Variants in MOAP1 observed in about 807,000 individuals in gnomAD.
MOAP1 encodes the protein modulator of apoptosis 1.
For synonymous variants in MOAP1, 150 were observed against 161.0 expected (o/e 0.93, Z 0.52); for missense variants, 385 against 418.6 (o/e 0.92, Z 0.70).
Position 93,183,112 on chromosome 14 carries a change from G to A in MOAP1, c.*75C>T. On this transcript the variant is annotated 3_prime_UTR_variant, in exon 3 of 3. Coordinates refer to ENST00000298894, the MANE Select transcript of MOAP1 (RefSeq NM_022151.5). ...TGGCAGCACAAGGTAGGGATTGTATGTGTCACAAGAGTATATAGACTGTTC... is the reference window on the plus strand; with the variant it reads ...TGGCAGCACAAGGTAGGGATTGTATATGTCACAAGAGTATATAGACTGTTC... 1 of 1,505,206 alleles carries A rather than the reference G, an allele frequency of 6.6e-7. No individual in the cohort carries two copies. 93.2% of individuals were successfully genotyped at this position (1,505,206 alleles called of 1,614,324 possible).
rs1348570831 is a variant in MOAP1, at chr14:93,182,261, G to T, written c.*926C>A. On this transcript the variant is annotated 3_prime_UTR_variant, in exon 3 of 3. Coordinates refer to ENST00000298894, the MANE Select transcript of MOAP1 (RefSeq NM_022151.5). ...ATAATTTTATAACAATCGTGAAAAT[G>T]TTACTCAGAACTAGATGTTTTGATG... 6.6e-6 allele frequency: 1 copy of T among 152,588 alleles called. No individual in the cohort carries two copies. The highest frequency in any genetic ancestry group is 1.5e-5 in the Non-Finnish European group (1 of 68,032). 9.5% of individuals were successfully genotyped at this position (152,588 alleles called of 1,614,324 possible).
rs777717978 is a variant in MOAP1 at position 93,183,446 on chromosome 14, G to A, written c.797C>T (p.Ser266Leu). The A allele has an allele frequency of 2.5e-6, 4 of 1,614,180 alleles. No individual in the cohort carries two copies. Among genetic ancestry groups the A allele is most frequent in the Admixed American group, 1.7e-5 (1 of 60,000 alleles). ...TTYQKDEEKL[S>L]AYVLRLEPLL... The stretch of plus-strand genomic sequence containing the variant: ...AGGCTCCAGCCTTAGTACATAAGCC[G>A]ACAACTTTTCCTCATCCTTCTGGTA... The change falls in exon 3 of 3, where the codon TCG (serine) becomes TTG (leucine). Residue 266 changes from serine (S) to leucine (L), a missense_variant. Physicochemically the swap from Ser to Leu is moderately radical, Grantham distance 145. Coordinates refer to ENST00000298894, the MANE Select transcript of MOAP1 (RefSeq NM_022151.5).
At position 93,182,913 on chromosome 14, in the gene MOAP1, G is replaced by C. The variant is rs985739739; in HGVS notation, c.*274C>G. On this transcript the variant is annotated 3_prime_UTR_variant, in exon 3 of 3. Coordinates refer to ENST00000298894, the MANE Select transcript of MOAP1 (RefSeq NM_022151.5). The stretch of plus-strand genomic sequence containing the variant: ...CCACTGCACTCCAGCCTGGGTGACA[G>C]AGCGAGACTCTGTCTCAACAACAAC... 2.4e-6 allele frequency: 1 copy of C among 419,584 alleles called. No individual in the cohort carries two copies. The highest frequency in any genetic ancestry group is 4.2e-6 in the Non-Finnish European group (1 of 239,680). The allele number at this position is 419,584 out of a possible 1,614,324, so 26.0% of individuals were successfully genotyped here.
At position 93,183,768 on chromosome 14, in the gene MOAP1, A is replaced by T. The variant is rs199975345; in HGVS notation, c.475T>A (p.Cys159Ser). ...ALEALQPALQ[C>S]LKYKKLRVFS... ...ACTCTCAGCTTTTTATACTTCAAGC[A>T]TTGCAGGGCAGGCTGAAGAGCCTCT... The change falls in exon 3 of 3, where the codon TGC becomes AGC. Residue 159 changes from cysteine to serine, a missense_variant. Physicochemically the swap from Cys to Ser is moderately radical, Grantham distance 112. Coordinates refer to ENST00000298894, the MANE Select transcript of MOAP1 (RefSeq NM_022151.5). 29 of 1,614,098 alleles carry T rather than the reference A, an allele frequency of 1.8e-5. No individual in the cohort carries two copies. In the Admixed American group the frequency reaches 4.7e-4, roughly 26 times the overall value.
rs1893978399 is a variant in MOAP1, at chr14:93,183,772, C to T, written c.471G>A (p.Leu157=). 6.2e-7 allele frequency: 1 copy of T among 1,614,024 alleles called. No individual in the cohort carries two copies. Among genetic ancestry groups the T allele is most frequent in the South Asian group, 1.1e-5 (1 of 91,082 alleles). The change falls in exon 3 of 3, where the codon CTG becomes CTA. Residue 157 remains leucine, a synonymous_variant. Transcript: ENST00000298894. ...TCAGCTTTTTATACTTCAAGCATTG[C>T]AGGGCAGGCTGAAGAGCCTCTAATG... ...AQALEALQPA[L]QCLKYKKLRV... is the part of the protein sequence containing the mutation.
rs1054335497 is a variant in MOAP1 at position 93,184,094 on chromosome 14, C to T, written c.149G>A (p.Arg50Lys). Residue 50 changes from arginine to lysine, a missense_variant, in exon 3 of 3, where the codon AGA (arginine) becomes AAA (lysine). Transcript: ENST00000298894. This position sits in a 1 kb window ranked among gnomAD's most constrained non-coding sequence, Gnocchi z 4.2. Reference sequence around the variant, plus strand: ...CCTCCTGAACATCCTTCCAAGCAGTCTGTACTCCCCCAAGGGAGCTAAACC... The same window carrying T: ...CCTCCTGAACATCCTTCCAAGCAGTTTGTACTCCCCCAAGGGAGCTAAACC... ...QAGLAPLGEY[R>K]LLGRMFRRDE... The T allele has an allele frequency of 6.2e-7, 1 of 1,614,096 alleles. No individual in the cohort carries two copies. The highest frequency in any genetic ancestry group is 8.5e-7 in the Non-Finnish European group (1 of 1,180,020).
At position 93,184,257 on chromosome 14, in the gene MOAP1, T is replaced by C. The variant is rs1893989622; in HGVS notation, c.-15A>G. ...CTCAAAGTCATGGTGCCCGAAATAA[T>C]AGACTTAAGTTCTAAATATGCCAGA... On this transcript the variant is annotated 5_prime_UTR_variant, in exon 3 of 3. Coordinates refer to ENST00000298894, the MANE Select transcript of MOAP1 (RefSeq NM_022151.5). The surrounding 1 kb of genome is among the most constrained non-coding windows in gnomAD (Gnocchi z 4.2). 1.2e-5 allele frequency: 18 copies of C among 1,549,706 alleles called. No homozygotes were observed. In the East Asian group the frequency reaches 2.7e-4, roughly 23 times the overall value.
rs755858983 is a variant in MOAP1, at chr14:93,183,380, T to C, written c.863A>G (p.Asp288Gly). ...KLVQRGAIER[D>G]AVNQARLDQV... ...GTCTAGGCGGGCCTGATTCACAGCA[T>C]CTCTCTCAATTGCTCCTCTCTGTAC... The change falls in exon 3 of 3, where the codon GAT (aspartate) becomes GGT (glycine). Residue 288 changes from aspartate (D) to glycine (G), a missense_variant. Coordinates refer to ENST00000298894, the MANE Select transcript of MOAP1 (RefSeq NM_022151.5). 93 of 1,614,060 alleles carry C rather than the reference T, an allele frequency of 5.8e-5. No individual in the cohort carries two copies. Among genetic ancestry groups the C allele is most frequent in the Non-Finnish European group, 7.4e-5 (87 of 1,180,044 alleles).
Position 93,182,986 on chromosome 14 carries a change from A to T in MOAP1, c.*201T>A. 1.6e-6 allele frequency: 1 copy of T among 629,142 alleles called. No individual in the cohort carries two copies. The highest frequency in any genetic ancestry group is 2.6e-6 in the Non-Finnish European group (1 of 388,098). 39.0% of individuals were successfully genotyped at this position (629,142 alleles called of 1,614,324 possible). ...AATTTAAATAGGTAAATGGCAGTGT[A>T]GAACTACATCCTTCCTAGTCAATTA... On this transcript the variant is annotated 3_prime_UTR_variant, in exon 3 of 3. Coordinates refer to ENST00000298894, the MANE Select transcript of MOAP1 (RefSeq NM_022151.5).
Position 93,184,886 on chromosome 14 carries a change from G to C in MOAP1, c.-352C>G, listed in dbSNP as rs1894001981. Reference sequence around the variant, plus strand: ...ATTCCACCTGTTTTGGTCTCGCTCGGGGAAGCTGCGCGGCGGGCGGGGGCG... The same window carrying C: ...ATTCCACCTGTTTTGGTCTCGCTCGCGGAAGCTGCGCGGCGGGCGGGGGCG... On this transcript the variant is annotated 5_prime_UTR_variant, in exon 1 of 3. Coordinates refer to ENST00000298894, the MANE Select transcript of MOAP1 (RefSeq NM_022151.5). This position sits in a 1 kb window ranked among gnomAD's most constrained non-coding sequence, Gnocchi z 4.2. 1 of 152,226 alleles carries C rather than the reference G, an allele frequency of 6.6e-6. No individual in the cohort carries two copies. Among genetic ancestry groups the C allele is most frequent in the African/African-American group, 2.4e-5 (1 of 41,410 alleles). 9.4% of individuals were successfully genotyped at this position (152,226 alleles called of 1,614,324 possible).
Position 93,184,165 on chromosome 14 carries a change from G to T in MOAP1, c.78C>A (p.Ile26=), listed in dbSNP as rs781759789. The change falls in exon 3 of 3, where the codon ATC becomes ATA. Residue 26 remains isoleucine, a synonymous_variant. Transcript: ENST00000298894. This position sits in a 1 kb window ranked among gnomAD's most constrained non-coding sequence, Gnocchi z 4.2. The part of the protein sequence containing the change: ...NPRKALLIAG[I]SQSCSVAEIE... Reference sequence around the variant, plus strand: ...TTTCTGCCACACTGCAGCTCTGGGAGATGCCGGCAATCAATAGCGCTTTCC... The same window carrying T: ...TTTCTGCCACACTGCAGCTCTGGGATATGCCGGCAATCAATAGCGCTTTCC... 6 of 1,613,924 alleles carry T rather than the reference G, an allele frequency of 3.7e-6. No homozygotes were observed. The highest frequency in any genetic ancestry group is 4.2e-6 in the Non-Finnish European group (5 of 1,179,988).
chr14:93,183,226 C>A lies in MOAP1; in HGVS notation c.1017G>T (p.Glu339Asp). ...CTTCCAATATTGCCTGGAGAAGGGC[C>A]TCCTCCTCCTCAGCTGCCTCATAAT... ...IKDYEAAEEE[E>D]ALLQAILEGN... is the part of the protein sequence containing the mutation. Residue 339 changes from glutamate to aspartate, a missense_variant, in exon 3 of 3, where the codon GAG becomes GAT. Physicochemically the swap from Glu to Asp is conservative, Grantham distance 45. Transcript: ENST00000298894. 2 of 1,608,020 alleles carry A rather than the reference C, an allele frequency of 1.2e-6. No individual in the cohort carries two copies. Among genetic ancestry groups the A allele is most frequent in the African/African-American group, 1.3e-5 (1 of 74,672 alleles).
Position 93,183,038 on chromosome 14 carries a change from C to CTTTAAATAGGCAT in MOAP1, c.*148_*149insATGCCTATTTAAA. The CTTTAAATAGGCAT allele has an allele frequency of 8.7e-7, 1 of 1,151,862 alleles. No homozygotes were observed. The highest frequency in any genetic ancestry group is 1.2e-6 in the Non-Finnish European group (1 of 849,988). The allele number at this position is 1,151,862 out of a possible 1,614,324, so 71.4% of individuals were successfully genotyped here. ...ACCTTTAGGAGACTTTAAATAGGCA[C>CTTTAAATAGGCAT]AGAAACGACAAAGGGCTTATACTGA... On this transcript the variant is annotated 3_prime_UTR_variant, in exon 3 of 3. Transcript: ENST00000298894.
rs1893974717 is a variant in MOAP1 at position 93,183,630 on chromosome 14, GC to G, written c.612del (p.Arg204SerfsTer4). ...AWQVPDVEKR[R>X]RLLESLRGPA... ...GGGCCTCGAAGGCTCTCTAGCAATC[GC>G]CTTCTCTTCTCTACATCTGGCACCT... is the stretch of plus-strand genomic sequence containing the variant. On this transcript the variant is annotated frameshift_variant, in exon 3 of 3. Transcript: ENST00000298894. LOFTEE classifies it low-confidence loss of function (END_TRUNC). 6.2e-7 allele frequency: 1 copy of G among 1,614,006 alleles called. No individual in the cohort carries two copies. The highest frequency in any genetic ancestry group is 1.3e-5 in the African/African-American group (1 of 74,920).
In MOAP1 at chr14:93,183,036, C is replaced by CATAGAAGGAG; in HGVS notation, c.*150_*151insCTCCTTCTAT. On this transcript the variant is annotated 3_prime_UTR_variant, in exon 3 of 3. Coordinates refer to ENST00000298894, the MANE Select transcript of MOAP1 (RefSeq NM_022151.5). Reference sequence around the variant, plus strand: ...ACACCTTTAGGAGACTTTAAATAGGCACAGAAACGACAAAGGGCTTATACT... The same window carrying CATAGAAGGAG: ...ACACCTTTAGGAGACTTTAAATAGGCATAGAAGGAGACAGAAACGACAAAGGGCTTATACT... The CATAGAAGGAG allele has an allele frequency of 9.1e-7, 1 of 1,098,120 alleles. No individual in the cohort carries two copies. The highest frequency in any genetic ancestry group is 1.3e-6 in the Non-Finnish European group (1 of 799,792). The allele number at this position is 1,098,120 out of a possible 1,614,324, so 68.0% of individuals were successfully genotyped here. A position where few individuals can be genotyped will look rare whatever the true frequency, so the allele number is the denominator to read the frequency against.
In MOAP1 at chr14:93,183,610, T is replaced by C; in HGVS notation, c.633A>G (p.Arg211=). 6.2e-7 allele frequency: 1 copy of C among 1,614,224 alleles called. No individual in the cohort carries two copies. Among genetic ancestry groups the C allele is most frequent in the African/African-American group, 1.3e-5 (1 of 75,062 alleles). Reference sequence around the variant, plus strand: ...CACGAATAACATCAAGTGCTGGGCCTCGAAGGCTCTCTAGCAATCGCCTTC... The same window carrying C: ...CACGAATAACATCAAGTGCTGGGCCCCGAAGGCTCTCTAGCAATCGCCTTC... The part of the protein sequence containing the change: ...EKRRRLLESL[R]GPALDVIRVL... Residue 211 remains arginine, a synonymous_variant, in exon 3 of 3, where the codon CGA becomes CGG. Transcript: ENST00000298894.
rs1478089316 is a variant in MOAP1 at position 93,183,708 on chromosome 14, C to A, written c.535G>T (p.Glu179Ter). ...TGAAACATCCAGCGTCCAAATTCTTCTTCTCCTGGTTCTGGAGACTCCCTG... is the reference window on the plus strand; with the variant it reads ...TGAAACATCCAGCGTCCAAATTCTTATTCTCCTGGTTCTGGAGACTCCCTG... ...SGRESPEPGE[E>*]EFGRWMFHTT... Residue 179 changes from glutamate (E) to a stop codon, truncating the protein, a stop_gained, in exon 3 of 3, where the codon GAA (glutamate) becomes TAA (stop). Transcript: ENST00000298894. LOFTEE classifies it low-confidence loss of function (END_TRUNC). The A allele has an allele frequency of 1.2e-6, 2 of 1,614,198 alleles. No individual in the cohort carries two copies. Among genetic ancestry groups the A allele is most frequent in the African/African-American group, 2.7e-5 (2 of 75,056 alleles).
Position 93,183,004 on chromosome 14 carries a change from G to T in MOAP1, c.*183C>A. 1.4e-6 allele frequency: 1 copy of T among 714,214 alleles called. No homozygotes were observed. The highest frequency in any genetic ancestry group is 2.9e-5 in the East Asian group (1 of 35,054). 44.2% of individuals were successfully genotyped at this position (714,214 alleles called of 1,614,324 possible). On this transcript the variant is annotated 3_prime_UTR_variant, in exon 3 of 3. Coordinates refer to ENST00000298894, the MANE Select transcript of MOAP1 (RefSeq NM_022151.5). ...GCAGTGTAGAACTACATCCTTCCTA[G>T]TCAATTACACCTTTAGGAGACTTTA...
At position 93,183,487 on chromosome 14, in the gene MOAP1, G is replaced by A. The variant is rs201817503; in HGVS notation, c.756C>T (p.Val252=). The A allele has an allele frequency of 2.3e-4, 376 of 1,614,152 alleles. No homozygotes were observed. The highest frequency in any genetic ancestry group is 6.7e-5 in the Non-Finnish European group (79 of 1,180,034). The change falls in exon 3 of 3, where the codon GTC becomes GTT. Residue 252 remains valine (V), a synonymous_variant. Coordinates refer to ENST00000298894, the MANE Select transcript of MOAP1 (RefSeq NM_022151.5). ...CCTTCTGGTAAGTGGTTAGATATTT[G>A]ACCTGCAACTCCCTAGGATTATCTG... The part of the protein sequence containing the change: ...GVTDNPRELQ[V]KYLTTYQKDE...
Sources: gnomAD v4.1 joint callset for allele counts on GRCh38, gnomAD v4.1.1 for gene constraint, Gnocchi (gnomAD v3.1) non-coding constraint, MANE v1.5 for transcripts, NCBI Gene and HGNC (gene_info 2026-07-23, HGNC 2026-07-21) for gene names.